CLGN: variants seen among roughly 807,000 people sequenced by gnomAD.
The protein encoded by CLGN is testis tissue sperm-binding protein Li 79P.
A neutral mutation model predicts 79.1 loss-of-function variants in CLGN; 62 were observed. The ratio of observed to expected loss-of-function variants is 0.78; its 90% CI spans 0.64 to 0.97. The LOEUF (loss-of-function observed/expected upper bound fraction) is 0.97. Among genes scored for constraint, CLGN ranks in the 50% least tolerant of loss-of-function variants. The pLI is 0.00. For synonymous variants in CLGN, 225 were observed against 224.7 expected, an observed-to-expected ratio of 1.00 and a Z score of -0.01; for missense variants, 647 against 715.5, an observed-to-expected ratio of 0.90 and a Z score of 1.09.
intron 1 of CLGN, among the ~76,000 whole-genome samples, chr4:140,413,685 G>A (rs541561537): frequency 2.6e-5 from 4 of 152,300 alleles, no homozygotes; most frequent in Admixed American, 6.5e-5. Flanking sequence ...ATTATATCCC[G>A]CACCTGGCTT....
At chr4:140,395,766 A>G in intron 10 of CLGN, 53 bp downstream of exon 10, 1 of 1,326,380 alleles carries the variant, frequency 7.5e-7, no homozygotes. Flanking sequence ...TTTAAATAGA[A>G]AAGATCACAA....
intron 14 of CLGN, among the ~76,000 whole-genome samples, 172 bp from the exon 15 acceptor site, chr4:140,389,476 G>T (rs1024916277): frequency 6.6e-6 from 1 of 151,712 alleles, no homozygotes; most frequent in Non-Finnish European, 1.5e-5. Flanking sequence ...TACAAAAATC[G>T]ATGTATTCCA....
At chr4:140,395,646 T>C (rs1022879300) in intron 10 of CLGN, among the ~76,000 whole-genome samples, 173 bp downstream of exon 10, 3 of 152,202 alleles carry the variant, frequency 2.0e-5, no homozygotes, top group African/African-American at 7.2e-5. Context: ...CCCCAGAAAA[T>C]TAAATAATTG....
chr4:140,412,907 T>A, intron 2 of CLGN, 28 bp downstream of exon 2: 2 of 1,596,190 alleles, frequency 1.3e-6, no homozygotes, highest in Non-Finnish European at 8.6e-7. Context: ...AAAGGAATAA[T>A]TTATAACCCA....
chr4:140,425,117 T>C, intron 1 of CLGN, among the ~76,000 whole-genome samples: 1 of 152,074 alleles, frequency 6.6e-6, no homozygotes, highest in East Asian at 1.9e-4. Context: ...TGTTGTATAG[T>C]GTGGGAGAAG....
chr4:140,401,854 T>G, intron 6 of CLGN, 131 bp downstream of exon 6: 1 of 565,048 alleles, frequency 1.8e-6, no homozygotes, highest in Non-Finnish European at 3.1e-6. Context: ...GCTATGTAAA[T>G]TCACATTGAA....
Position 140,418,916 on chromosome 4 carries a change from C to T in CLGN, c.-9-5829G>A, listed in dbSNP as rs541701468. The stretch of plus-strand genomic sequence containing the variant: ...GACTCATGCACACGTATGTTTATTG[C>T]GGCATTATTCACAATAGCAAAGACT... On this transcript the variant is annotated intron_variant, in intron 1 of 14. Coordinates refer to ENST00000325617, the MANE Select transcript of CLGN (RefSeq NM_004362.3). 7.9e-5 allele frequency among the ~76,000 whole-genome samples: 12 copies of T among 152,144 alleles called. No homozygotes were observed. In the South Asian group the frequency reaches 1.9e-3, roughly 24 times the overall value.
At chr4:140,412,859 A>G (rs993554991) in intron 2 of CLGN, 76 bp downstream of exon 2, 4 of 1,241,496 alleles carry the variant, frequency 3.2e-6, no homozygotes, top group African/African-American at 1.5e-5. Flanking sequence ...TTGAACTGAA[A>G]TGAATCACCA....
chr4:140,396,033 T>G (rs1728867121), intron 9 of CLGN, 59 bp downstream of exon 9: 1 of 1,609,266 alleles, frequency 6.2e-7, no homozygotes, highest in East Asian at 2.2e-5. Context: ...TATAAACTAG[T>G]AACAAAAATG....
intron 1 of CLGN, among the ~76,000 whole-genome samples, chr4:140,414,113 A>G (rs1729274026): frequency 6.6e-6 from 1 of 152,240 alleles, no homozygotes; most frequent in Non-Finnish European, 1.5e-5. Context: ...ACGGCAGGGT[A>G]TTCCAACAGA....
intron 14 of CLGN, 125 bp from the exon 15 acceptor site, chr4:140,389,429 T>A (rs1026587254): frequency 1.4e-6 from 1 of 699,292 alleles, no homozygotes; most frequent in African/African-American, 1.8e-5. Flanking sequence ...TATGAAGGTA[T>A]TATATGAAAT....
chr4:140,421,290 T>C (rs1729463791), intron 1 of CLGN, among the ~76,000 whole-genome samples: 1 of 152,120 alleles, frequency 6.6e-6, no homozygotes, highest in African/African-American at 2.4e-5. Context: ...CTTCGAGACC[T>C]TGTTTTCAAT....
chr4:140,427,458 G>GC (rs1322381005), intron 1 of CLGN, 79 bp downstream of exon 1: 2 of 152,338 alleles, frequency 1.3e-5, no homozygotes, highest in Admixed American at 6.5e-5. Context: ...GGGGGAAGCA[G>GC]CAACGACTCC....
At chr4:140,407,788 A>T (rs1336433414) in intron 4 of CLGN, among the ~76,000 whole-genome samples, 1 of 152,016 alleles carries the variant, frequency 6.6e-6, no homozygotes, top group Non-Finnish European at 1.5e-5. Context: ...CAGTGTGATT[A>T]TTGTGAAAAT....
Position 140,393,147 on chromosome 4 carries a change from A to T in CLGN, c.1366-436T>A, listed in dbSNP as rs186072437. 3.4e-3 allele frequency among the ~76,000 whole-genome samples: 510 copies of T among 152,196 alleles called. 2 individuals are homozygous for T. The highest frequency in any genetic ancestry group is 0.011 in the African/African-American group (472 of 41,570). ...TTTTTTATATAAACACATTTCACAC[A>T]TAAGACCCTCAGTAAGGATATTATT... On this transcript the variant is annotated intron_variant, in intron 11 of 14. Coordinates refer to ENST00000325617, the MANE Select transcript of CLGN (RefSeq NM_004362.3).
chr4:140,399,140 C>A (rs1578596018), intron 7 of CLGN, 100 bp from the exon 8 acceptor site: 1 of 916,490 alleles, frequency 1.1e-6, no homozygotes. Context: ...ATGGGTAAAG[C>A]TTTTTTCCCA....
rs748441593 is a variant in CLGN, at chr4:140,402,065, A to G, written c.421T>C (p.Tyr141His). The G allele has an allele frequency of 2.6e-6, 4 of 1,539,686 alleles. No individual in the cohort carries two copies. The highest frequency in any genetic ancestry group is 3.5e-6 in the Non-Finnish European group (4 of 1,126,898). The change falls in exon 6 of 15, where the codon TAT becomes CAT. Residue 141 changes from tyrosine (Y) to histidine (H), a missense_variant and splice_region_variant. Physicochemically the swap from Tyr to His is moderately conservative, Grantham distance 83. Coordinates refer to ENST00000325617, the MANE Select transcript of CLGN (RefSeq NM_004362.3). ...IFADKPLIVQ[Y>H]EVNFQDGIDC... Reference sequence around the variant, plus strand: ...ATACCATCTTGAAAATTTACTTCATATCTGAATAAAGGGAAAAAGAACCGT... The same window carrying G: ...ATACCATCTTGAAAATTTACTTCATGTCTGAATAAAGGGAAAAAGAACCGT...
At chr4:140,416,781 A>T (rs1729341830) in intron 1 of CLGN, among the ~76,000 whole-genome samples, 1 of 152,162 alleles carries the variant, frequency 6.6e-6, no homozygotes, top group Admixed American at 6.5e-5. Context: ...ACAAGGAGGA[A>T]CTGCTACCAT....
chr4:140,409,811 A>ATCTAATAC, intron 4 of CLGN, 26 bp downstream of exon 4: 1 of 1,482,576 alleles, frequency 6.7e-7, no homozygotes, highest in African/African-American at 1.4e-5. Context: ...TACTGGTTAT[A>ATCTAATAC]TCTAATACTT....
Sources: gnomAD v4.1 joint callset for allele counts (sites outside exome capture counted in the v4.1 genomes callset) on GRCh38, gnomAD v4.1.1 for gene constraint, MANE v1.5 for transcripts, NCBI Gene and HGNC (gene_info 2026-07-23, HGNC 2026-07-21) for gene names.